The following AUTS2 variants were observed in gnomAD, a reference collection of about 807,000 sequenced individuals.
AUTS2 encodes activator of transcription and developmental regulator AUTS2.
AUTS2 carries 17 observed loss-of-function variants against 112.4 expected under a neutral mutation model. The observed-to-expected ratio is 0.15, with a 90% CI of 0.10 to 0.23. The LOEUF (loss-of-function observed/expected upper bound fraction) is 0.23. AUTS2 is among the 10% of genes least tolerant of loss of function. The pLI is 1.00. For synonymous variants in AUTS2, 751 were observed against 702.7 expected, an observed-to-expected ratio of 1.07 and a Z score of -1.09; for missense variants, 1,510 against 1,701.6, an observed-to-expected ratio of 0.89 and a Z score of 1.98.
At chr7:69,685,719 C>CTTT (rs57209176) in intron 1 of AUTS2, among the ~76,000 whole-genome samples, 4 of 140,122 alleles carry the variant, frequency 2.9e-5, no homozygotes, top group Non-Finnish European at 4.7e-5. Context: ...GATCCATGCC[C>CTTT]TTTTTTTTTT....
intron 5 of AUTS2, among the ~76,000 whole-genome samples, chr7:70,458,825 T>G (rs1796850492): frequency 6.6e-6 from 1 of 152,210 alleles, no homozygotes; most frequent in South Asian, 2.1e-4. Context: ...TGGAGCTTCT[T>G]GACAATTGTG....
At chr7:70,164,137 A>G (rs960187286) in intron 4 of AUTS2, among the ~76,000 whole-genome samples, 2 of 152,202 alleles carry the variant, frequency 1.3e-5, no homozygotes, top group Non-Finnish European at 2.9e-5. Context: ...TTTCATTTCT[A>G]TATAGATTTA....
chr7:69,857,725 G>A (rs1792796207), intron 1 of AUTS2, among the ~76,000 whole-genome samples: 1 of 152,046 alleles, frequency 6.6e-6, no homozygotes, highest in Non-Finnish European at 1.5e-5. Flanking sequence ...GCTGAGGCAG[G>A]AGAATGGTGT....
At chr7:70,777,297 T>C in intron 14 of AUTS2, 123 bp downstream of exon 14, 1 of 871,884 alleles carries the variant, frequency 1.1e-6, no homozygotes, top group Non-Finnish European at 1.8e-6. Context: ...TTAGGAAGGA[T>C]CAAGCCTCTC....
rs1393930278 is a variant in AUTS2, at chr7:70,322,819, C to T, written c.661-112933C>T. On this transcript the variant is annotated intron_variant, in intron 4 of 18. Transcript: ENST00000342771. ...TGCCCTGTACGGATACCAATTCATT[C>T]GTGGGAGATAGTACAGGGGCAGGTA... Among the ~76,000 whole-genome samples, 4 of 152,154 alleles carry T rather than the reference C, an allele frequency of 2.6e-5. No individual in the cohort carries two copies. The East Asian group carries it at 5.8e-4, about 22-fold the overall frequency.
Position 69,796,111 on chromosome 7 carries a change from C to T in AUTS2, c.310-103175C>T, listed in dbSNP as rs549025185. On this transcript the variant is annotated intron_variant, in intron 1 of 18. Coordinates refer to ENST00000342771, the MANE Select transcript of AUTS2 (RefSeq NM_015570.4). ...TAGCCTCTGGATGTTTTTCACATTC[C>T]AGGAAATGACACCTGAAGTTTTCAG... is the stretch of plus-strand genomic sequence containing the variant. Among the ~76,000 whole-genome samples the T allele has an allele frequency of 4.6e-5, 7 of 152,302 alleles. No individual in the cohort carries two copies. In the South Asian group the frequency reaches 1.4e-3, roughly 32 times the overall value.
In AUTS2 at chr7:70,481,132, A is replaced by T. The variant is rs74821995; in HGVS notation, c.690+45351A>T. Reference sequence around the variant, plus strand: ...TAGAGCCTTTTAAATAGTTCTGAGCAGGGAAGGGAGGCAAGGAAAGCAGTT... The same window carrying T: ...TAGAGCCTTTTAAATAGTTCTGAGCTGGGAAGGGAGGCAAGGAAAGCAGTT... On this transcript the variant is annotated intron_variant, in intron 5 of 18. Coordinates refer to ENST00000342771, the MANE Select transcript of AUTS2 (RefSeq NM_015570.4). Among the ~76,000 whole-genome samples the T allele has an allele frequency of 3.0e-3, 452 of 152,330 alleles. 3 individuals carry two copies. Among genetic ancestry groups the T allele is most frequent in the African/African-American group, 0.01 (433 of 41,586 alleles).
At chr7:70,688,616 C>T (rs56719628) in intron 5 of AUTS2, among the ~76,000 whole-genome samples, 20 of 152,202 alleles carry the variant, frequency 1.3e-4, no homozygotes, top group African/African-American at 4.8e-4. Context: ...TCGCTTGAGG[C>T]CAGGAGTCAG....
intron 5 of AUTS2, among the ~76,000 whole-genome samples, chr7:70,576,279 C>G (rs555003232): frequency 6.6e-6 from 1 of 152,226 alleles, no homozygotes; most frequent in South Asian, 2.1e-4. Context: ...TCTGCGCTCC[C>G]TAAGAAGGAA....
rs1286921275 is a variant in AUTS2, at chr7:70,741,708, G to GA, written c.743-21152dup. Among the ~76,000 whole-genome samples, 34 of 146,100 alleles carry GA rather than the reference G, an allele frequency of 2.3e-4. No individual in the cohort carries two copies. The East Asian group carries it at 2.4e-3, about 10-fold the overall frequency. On this transcript the variant is annotated intron_variant, in intron 6 of 18. Coordinates refer to ENST00000342771, the MANE Select transcript of AUTS2 (RefSeq NM_015570.4). ...CTCTATCTCAAAAAAAAAAAAGAAA[G>GA]AAAAAAAAAAGAAATGCTACAATAA...
At chr7:69,745,571 C>T (rs185615500) in intron 1 of AUTS2, among the ~76,000 whole-genome samples, 2 of 152,268 alleles carry the variant, frequency 1.3e-5, no homozygotes, top group East Asian at 3.9e-4. Flanking sequence ...ACATGATCTC[C>T]TTGGCTAGAC....
intron 5 of AUTS2, among the ~76,000 whole-genome samples, chr7:70,600,798 T>A (rs1330315749): frequency 2.6e-5 from 4 of 152,138 alleles, no homozygotes; most frequent in African/African-American, 4.8e-5. Flanking sequence ...AGTATGTGGC[T>A]TTTGTCTTGT....
intron 2 of AUTS2, among the ~76,000 whole-genome samples, chr7:69,922,442 G>A (rs1316904626): frequency 6.6e-6 from 1 of 152,222 alleles, no homozygotes; most frequent in African/African-American, 2.4e-5. Context: ...TTTAGAAATG[G>A]CTTAAGCTTC....
At chr7:70,329,690 A>C (rs1030203682) in intron 4 of AUTS2, among the ~76,000 whole-genome samples, 1 of 150,590 alleles carries the variant, frequency 6.6e-6, no homozygotes, top group Non-Finnish European at 1.5e-5. Flanking sequence ...TATGATTTGC[A>C]AATATTTTCA....
At chr7:69,845,391 C>T (rs1421968457) in intron 1 of AUTS2, among the ~76,000 whole-genome samples, 2 of 152,124 alleles carry the variant, frequency 1.3e-5, no homozygotes, top group African/African-American at 4.8e-5. Context: ...GTAGATCACT[C>T]ATGCTTGATT....
chr7:70,336,869 C>T (rs1294751566), intron 4 of AUTS2, among the ~76,000 whole-genome samples: 1 of 152,132 alleles, frequency 6.6e-6, no homozygotes, highest in Non-Finnish European at 1.5e-5. Flanking sequence ...AAATTATATT[C>T]TCTAACACTA....
At chr7:70,338,836 A>T (rs1042443665) in intron 4 of AUTS2, among the ~76,000 whole-genome samples, 10 of 106,606 alleles carry the variant, frequency 9.4e-5, no homozygotes, top group African/African-American at 4.1e-4. Flanking sequence ...CTCATCTCTT[A>T]TTTATTTATT....
intron 1 of AUTS2, among the ~76,000 whole-genome samples, chr7:69,821,916 CAAAA>C (rs34912846): frequency 2.6e-5 from 2 of 76,800 alleles, no homozygotes; most frequent in East Asian, 3.9e-4. Flanking sequence ...ACAGGGTCTC[CAAAA>C]AAAAAAAAAA....
intron 2 of AUTS2, among the ~76,000 whole-genome samples, chr7:70,057,279 A>G (rs944127893): frequency 6.6e-6 from 1 of 152,196 alleles, no homozygotes; most frequent in Non-Finnish European, 1.5e-5. Flanking sequence ...GCCGTTTACC[A>G]GGAAACATTC....
Sources: allele counts gnomAD v4.1 joint callset (sites outside exome capture counted in the v4.1 genomes callset), GRCh38; gene constraint gnomAD v4.1.1; transcripts MANE v1.5; gene names NCBI Gene and HGNC (gene_info 2026-07-23, HGNC 2026-07-21).